Variants in PKHD1L1 observed in about 807,000 individuals in gnomAD.
The protein encoded by PKHD1L1 is PKHD1 like 1, also known as fibrocystin-L.
Under a neutral mutation model 462.9 loss-of-function variants are expected in PKHD1L1, and 434 were observed. The ratio of observed to expected loss-of-function variants is 0.94; its 90% CI spans 0.87 to 1.02. The LOEUF (loss-of-function observed/expected upper bound fraction) is 1.02. PKHD1L1 is among the 50% of genes least tolerant of loss of function. The pLI is 0.00. For missense variants in PKHD1L1, 5,202 were observed against 5,096.1 expected, an observed-to-expected ratio of 1.02 and a Z score of -0.63; for synonymous variants, 1,781 against 1,750.0, an observed-to-expected ratio of 1.02 and a Z score of -0.44.
At chr8:109,529,348 G>A (rs1309792641) in intron 77 of PKHD1L1, among the ~76,000 whole-genome samples, 1 of 152,106 alleles carries the variant, frequency 6.6e-6, no homozygotes, top group Non-Finnish European at 1.5e-5. Flanking sequence ...TTTTATGCCA[G>A]TTTTCTTGTC....
intron 2 of PKHD1L1, among the ~76,000 whole-genome samples, chr8:109,367,743 T>C (rs1256905504): frequency 6.6e-6 from 1 of 152,090 alleles, no homozygotes; most frequent in African/African-American, 2.4e-5. Context: ...AAATGAAACA[T>C]TTAAAACATT....
At chr8:109,442,222 AT>A in intron 35 of PKHD1L1, 27 bp downstream of exon 35, 1 of 1,571,890 alleles carries the variant, frequency 6.4e-7, no homozygotes, top group Non-Finnish European at 8.6e-7. Flanking sequence ...TGGGTTTTGC[AT>A]CATGTCACTT....
Position 109,464,288 on chromosome 8 carries a change from T to A in PKHD1L1, c.7456T>A (p.Phe2486Ile). Residue 2486 changes from phenylalanine to isoleucine, a missense_variant, in exon 49 of 78, where the codon TTT becomes ATT. Physicochemically the swap from Phe to Ile is conservative, Grantham distance 21 (BLOSUM62 0). Around this residue, in one of 3 missense-constraint regions of PKHD1L1, gnomAD observed 4,497 missense variants for 4,336.8 expected, o/e 1.04. Transcript: ENST00000378402. ...IHWHLLGDLQ[F>I]KSYVRGCAIH... ...TTGGCACCTGCTTGGAGACTTACAG[T>A]TTAAATCTTATGTAAGAGGCTGTGC... 1 of 1,613,016 alleles carries A rather than the reference T, an allele frequency of 6.2e-7. No homozygotes were observed. Among genetic ancestry groups the A allele is most frequent in the Non-Finnish European group, 8.5e-7 (1 of 1,179,466 alleles).
At position 109,452,183 on chromosome 8, in the gene PKHD1L1, C is replaced by G; in HGVS notation, c.6410C>G (p.Ser2137Cys). The G allele has an allele frequency of 6.2e-7, 1 of 1,613,070 alleles. No individual in the cohort carries two copies. Among genetic ancestry groups the G allele is most frequent in the Non-Finnish European group, 8.5e-7 (1 of 1,179,478 alleles). ...GAAGCCAAATGTGATGTTGAGTATT[C>G]CAACAAGACACACATCATCTGCATG... ...IAEAKCDVEY[S>C]NKTHIICMTD... Residue 2137 changes from serine to cysteine, a missense_variant, in exon 42 of 78, where the codon TCC becomes TGC. Coordinates refer to ENST00000378402, the MANE Select transcript of PKHD1L1 (RefSeq NM_177531.6).
At position 109,497,355 on chromosome 8, in the gene PKHD1L1, C is replaced by T. The variant is rs1235533284; in HGVS notation, c.10599+83C>T. Reference sequence around the variant, plus strand: ...TTTCTGAAGGACTAATAAGAATAATCTCCTTAACTTCTATCTCTGTCTCGC... The same window carrying T: ...TTTCTGAAGGACTAATAAGAATAATTTCCTTAACTTCTATCTCTGTCTCGC... On this transcript the variant is annotated intron_variant, in intron 65 of 77. Coordinates refer to ENST00000378402, the MANE Select transcript of PKHD1L1 (RefSeq NM_177531.6). 4 of 1,418,062 alleles carry T rather than the reference C, an allele frequency of 2.8e-6. No individual in the cohort carries two copies. In the African/African-American group the frequency reaches 5.8e-5, roughly 20 times the overall value. The allele number at this position is 1,418,062 out of a possible 1,614,324, so 87.8% of individuals were successfully genotyped here.
intron 38 of PKHD1L1, among the ~76,000 whole-genome samples, chr8:109,445,923 A>G (rs1816113002): frequency 6.6e-6 from 1 of 152,176 alleles, no homozygotes; most frequent in Non-Finnish European, 1.5e-5. Context: ...ATAAGTGAAG[A>G]TAGACCAAAA....
chr8:109,429,294 A>T, intron 25 of PKHD1L1, 46 bp from the exon 26 acceptor site: 2 of 1,401,836 alleles, frequency 1.4e-6, no homozygotes, highest in Non-Finnish European at 1.9e-6. Flanking sequence ...TAGTGTCGTC[A>T]TATTTGTTAT....
chr8:109,437,212 C>T (rs1477577816), intron 30 of PKHD1L1, among the ~76,000 whole-genome samples: 1 of 152,102 alleles, frequency 6.6e-6, no homozygotes, highest in Non-Finnish European at 1.5e-5. Context: ...CCACGCCTGG[C>T]CAGGAATACA....
Position 109,497,079 on chromosome 8 carries a change from T to A in PKHD1L1, c.10476+12T>A. 6.2e-7 allele frequency: 1 copy of A among 1,612,882 alleles called. No homozygotes were observed. The highest frequency in any genetic ancestry group is 8.5e-7 in the Non-Finnish European group (1 of 1,179,202). On this transcript the variant is annotated intron_variant, in intron 64 of 77. Transcript: ENST00000378402. ...GAATTTATTTTCAGGTAATTATGAT[T>A]AAAGATGGTGATTGTTTATTTTCTT...
chr8:109,445,274 T>G lies in PKHD1L1; in HGVS notation c.5405T>G (p.Val1802Gly), dbSNP rs1816066075. The change falls in exon 38 of 78, where the codon GTG (valine) becomes GGG (glycine). Residue 1802 changes from valine (V) to glycine (G), a missense_variant. Transcript: ENST00000378402. ...AATGAAAACAACATCACTGCTCTTG[T>G]GACTCCTCTCCCAGTTGGACATCAT... ...EVNENNITALVTPLPVGHHSV... is the reference protein window; with the variant it reads ...EVNENNITALGTPLPVGHHSV... The G allele has an allele frequency of 6.2e-7, 1 of 1,614,046 alleles. No homozygotes were observed. Among genetic ancestry groups the G allele is most frequent in the African/African-American group, 1.3e-5 (1 of 75,062 alleles).
chr8:109,394,361 A>G, intron 9 of PKHD1L1, 54 bp from the exon 10 acceptor site: 1 of 1,181,728 alleles, frequency 8.5e-7, no homozygotes, highest in Admixed American at 2.7e-5. Flanking sequence ...AGTTAAAAAA[A>G]TGTTCCTAAA....
At position 109,480,146 on chromosome 8, in the gene PKHD1L1, G is replaced by T. The variant is rs75458512; in HGVS notation, c.9327+7G>T. The T allele has an allele frequency of 1.2e-3, 1,877 of 1,545,380 alleles. 21 individuals are homozygous for T. The African/African-American group carries it at 0.023, about 19-fold the overall frequency. ...TACCTACATATCACTGCAGGTAAGA[G>T]TGAGGGCCTTGTAGTTTATATCTTT... is the stretch of plus-strand genomic sequence containing the variant. On this transcript the variant is annotated splice_region_variant and intron_variant, in intron 55 of 77. Transcript: ENST00000378402.
chr8:109,502,888 G>A (rs182926403), intron 67 of PKHD1L1, among the ~76,000 whole-genome samples: 1 of 152,322 alleles, frequency 6.6e-6, no homozygotes, highest in African/African-American at 2.4e-5. Flanking sequence ...TTCCCACATT[G>A]AGGCAAAAGG....
chr8:109,442,785 C>A (rs888788229), intron 35 of PKHD1L1, among the ~76,000 whole-genome samples, 161 bp from the exon 36 acceptor site: 30 of 152,096 alleles, frequency 2.0e-4, no homozygotes, highest in Non-Finnish European at 2.5e-4. Context: ...CTTTTAATAG[C>A]GAGTTTTCTT....
At chr8:109,385,514 T>G in intron 5 of PKHD1L1, 23 bp from the exon 6 acceptor site, 1 of 1,472,956 alleles carries the variant, frequency 6.8e-7, no homozygotes, top group Admixed American at 1.9e-5. Flanking sequence ...CAGAATCTTT[T>G]TGGGGTTTTT....
rs1009756744 is a variant in PKHD1L1 at position 109,509,661 on chromosome 8, G to A, written c.11396-1116G>A. 4.0e-5 allele frequency among the ~76,000 whole-genome samples: 6 copies of A among 150,930 alleles called. No homozygotes were observed. The East Asian group carries it at 1.2e-3, about 29-fold the overall frequency. On this transcript the variant is annotated intron_variant, in intron 70 of 77. Transcript: ENST00000378402. ...TATTTATTTTAAAAATATGACTTTT[G>A]TCTCTAAATTTTTATGTTATACATG...
intron 67 of PKHD1L1, among the ~76,000 whole-genome samples, chr8:109,501,073 C>T (rs189274268): frequency 2.5e-4 from 38 of 152,236 alleles, no homozygotes; most frequent in Non-Finnish European, 5.1e-4. Context: ...ACAGTTACTC[C>T]TACTTCTTGC....
chr8:109,486,828 A>G lies in PKHD1L1; in HGVS notation c.9880+7A>G. On this transcript the variant is annotated splice_region_variant and intron_variant, in intron 59 of 77. Transcript: ENST00000378402. The stretch of plus-strand genomic sequence containing the variant: ...AATATGATGACATTTAAAGGTTGGT[A>G]TCAATTCAGTTTATTTTTCTAAATG... The G allele has an allele frequency of 6.2e-7, 1 of 1,609,532 alleles. No homozygotes were observed. The highest frequency in any genetic ancestry group is 8.5e-7 in the Non-Finnish European group (1 of 1,177,104).
intron 46 of PKHD1L1, among the ~76,000 whole-genome samples, chr8:109,458,631 G>T (rs1001909583): frequency 1.3e-5 from 2 of 152,066 alleles, no homozygotes; most frequent in Non-Finnish European, 2.9e-5. Flanking sequence ...TGAGAGAGCT[G>T]CTTTGAATCT....
Sources: allele counts gnomAD v4.1 joint callset (sites outside exome capture counted in the v4.1 genomes callset), GRCh38; gene constraint gnomAD v4.1.1; regional missense constraint gnomAD v4.1.1; transcripts MANE v1.5; gene names NCBI Gene and HGNC (gene_info 2026-07-23, HGNC 2026-07-21).